The following TGFBI variants were observed in gnomAD, a reference collection of about 807,000 sequenced individuals.
TGFBI encodes the protein transforming growth factor-beta-induced protein ig-h3.
TGFBI carries 50 observed loss-of-function variants against 73.7 expected under a neutral mutation model. The observed-to-expected ratio is 0.68, with a 90% CI of 0.54 to 0.86. The LOEUF is 0.86. Ranked by LOEUF, TGFBI falls within the 40% of genes least tolerant of loss-of-function variation. The pLI, the probability that TGFBI is intolerant of heterozygous loss-of-function variation, is 0.00. For synonymous variants in TGFBI, 362 were observed against 360.5 expected (o/e 1.00, Z -0.05); for missense variants, 839 against 877.0 (o/e 0.96, Z 0.55).
At chr5:136,045,758 C>T (rs1751417281) in intron 3 of TGFBI, 1 of 152,024 alleles carries the variant, frequency 6.6e-6, no homozygotes. Flanking sequence ...CCTCTGAACC[C>T]TAATTTCAGA....
At position 136,046,514 on chromosome 5, in the gene TGFBI, G is replaced by A; in HGVS notation, c.459+19G>A. ...GCCAGCTGTGAGATGACCTCCGTCT[G>A]CCCGGGGGACTCTTATGGGGAACTG... On this transcript the variant is annotated intron_variant, in intron 4 of 16. Transcript: ENST00000442011. 1.9e-6 allele frequency: 3 copies of A among 1,587,870 alleles called. No homozygotes were observed. The highest frequency in any genetic ancestry group is 2.6e-6 in the Non-Finnish European group (3 of 1,164,950).
At chr5:136,062,604 A>G (rs1751767538) in intron 15 of TGFBI, 59 bp from the exon 16 acceptor site, 1 of 1,533,728 alleles carries the variant, frequency 6.5e-7, no homozygotes, top group Non-Finnish European at 8.8e-7. Context: ...AGCCATTGTC[A>G]TAAGCAGTTG....
Position 136,049,529 on chromosome 5 carries a change from A to G in TGFBI, c.862A>G (p.Ile288Val). The G allele has an allele frequency of 6.2e-7, 1 of 1,613,946 alleles. No homozygotes were observed. Reference protein sequence around the residue: ...LAPTNEAFEKIPSETLNRILG... With the variant: ...LAPTNEAFEKVPSETLNRILG... ...CCCGACCAATGAGGCCTTCGAGAAG[A>G]TCCCTAGTGAGACTTTGAACCGTAT... The change falls in exon 7 of 17, where the codon ATC becomes GTC. Residue 288 changes from isoleucine to valine, a missense_variant. Transcript: ENST00000442011.
At chr5:136,046,531 G>A in intron 4 of TGFBI, 36 bp downstream of exon 4, 17 of 1,566,138 alleles carry the variant, frequency 1.1e-5, no homozygotes, top group Non-Finnish European at 1.5e-5. Flanking sequence ...GGACTCTTAT[G>A]GGGAACTGCC....
At chr5:136,061,116 C>G (rs1476048775) in intron 14 of TGFBI, 180 bp downstream of exon 14, 2 of 603,504 alleles carry the variant, frequency 3.3e-6, no homozygotes, top group Middle Eastern at 4.0e-4. Flanking sequence ...ATGCACCACA[C>G]TAAGGAATGT....
At chr5:136,034,002 G>A in intron 2 of TGFBI, 141 bp downstream of exon 2, 1 of 717,066 alleles carries the variant, frequency 1.4e-6, no homozygotes, top group Non-Finnish European at 2.4e-6. Flanking sequence ...GGACCTGCGT[G>A]CTAGGGAGTG....
intron 14 of TGFBI, chr5:136,061,289 C>A: frequency 1.7e-6 from 1 of 598,386 alleles, no homozygotes; most frequent in South Asian, 2.0e-5. Context: ...AGTTGAACCT[C>A]AGTCCTGCCT....
chr5:136,036,362 C>G (rs897870948), intron 2 of TGFBI, among the ~76,000 whole-genome samples: 44 of 152,144 alleles, frequency 2.9e-4, no homozygotes, highest in African/African-American at 1.1e-3. Context: ...TGGGCAACTT[C>G]AAAGAGAGAA....
In TGFBI at chr5:136,052,878, G is replaced by A. The variant is rs3749784; in HGVS notation, c.914-29G>A. ...CTGAGGTTATCGTGGAGTGGACCCTGACTTGACCTGAGTCTGTTTGGACCC... is the reference window on the plus strand; with the variant it reads ...CTGAGGTTATCGTGGAGTGGACCCTAACTTGACCTGAGTCTGTTTGGACCC... On this transcript the variant is annotated intron_variant, in intron 7 of 16. Transcript: ENST00000442011. 1.3e-3 allele frequency: 2,122 copies of A among 1,608,588 alleles called. 17 individuals are homozygous for A. The East Asian group carries it at 0.019, about 15-fold the overall frequency.
At chr5:136,033,702 A>T in intron 1 of TGFBI, 61 bp from the exon 2 acceptor site, 9 of 1,398,908 alleles carry the variant, frequency 6.4e-6, no homozygotes, top group Non-Finnish European at 9.1e-6. Flanking sequence ...ACACGATGGG[A>T]GTCATTAAAG....
intron 1 of TGFBI, among the ~76,000 whole-genome samples, chr5:136,031,303 C>T (rs901177569): frequency 1.3e-5 from 2 of 152,256 alleles, no homozygotes; most frequent in African/African-American, 4.8e-5. Context: ...AAATGGATAA[C>T]GTTGTTCTAG....
At chr5:136,056,432 G>C (rs571643353) in intron 11 of TGFBI, 4 of 505,158 alleles carry the variant, frequency 7.9e-6, no homozygotes, top group Non-Finnish European at 1.4e-5. Context: ...GGCCTCTGAC[G>C]TCTGGCCATT....
chr5:136,060,603 T>G (rs10064478), intron 13 of TGFBI, among the ~76,000 whole-genome samples: 83,341 of 151,980 alleles, frequency 0.55, 23,886 homozygotes, highest in African/African-American at 0.73. Context: ...ACAGCTACTC[T>G]GGAGGCTGAG....
At chr5:136,040,437 C>T (rs545371954) in intron 2 of TGFBI, among the ~76,000 whole-genome samples, 1 of 152,224 alleles carries the variant, frequency 6.6e-6, no homozygotes, top group African/African-American at 2.4e-5. Flanking sequence ...CATAGCAGTC[C>T]GAATACTATT....
At chr5:136,049,622 C>T (rs1329744783) in intron 7 of TGFBI, 42 bp downstream of exon 7, 1 of 1,592,114 alleles carries the variant, frequency 6.3e-7, no homozygotes, top group Non-Finnish European at 8.6e-7. Context: ...ATTTGTGCAG[C>T]TAGATTGAGC....
chr5:136,060,926 G>T lies in TGFBI; in HGVS notation c.1896G>T (p.Leu632=). 6.4e-7 allele frequency: 1 copy of T among 1,573,638 alleles called. No homozygotes were observed. The highest frequency in any genetic ancestry group is 8.7e-7 in the Non-Finnish European group (1 of 1,153,668). Residue 632 remains leucine (L), a synonymous_variant, in exon 14 of 17, where the codon CTG becomes CTT. Coordinates refer to ENST00000442011, the MANE Select transcript of TGFBI (RefSeq NM_000358.3). ...TGGTCCATGTCATCACCAATGTTCT[G>T]CAGCCTCCAGGTAAGTGTCGCATCC... ...NGVVHVITNV[L]QPPANRPQER...
intron 7 of TGFBI, 38 bp from the exon 8 acceptor site, chr5:136,052,869 G>T (rs931898532): frequency 1.3e-6 from 2 of 1,599,824 alleles, no homozygotes; most frequent in African/African-American, 2.7e-5. Flanking sequence ...TTATCGTGGA[G>T]TGGACCCTGA....
Position 136,063,305 on chromosome 5 carries a change from G to A in TGFBI, c.*79G>A. ...AGATTTCCACAGAGACTGTTTGAAT[G>A]TTTTCAAAACCAAGTATCACACTTT... On this transcript the variant is annotated 3_prime_UTR_variant, in exon 17 of 17. Transcript: ENST00000442011. 7.4e-7 allele frequency: 1 copy of A among 1,360,252 alleles called. No homozygotes were observed. The highest frequency in any genetic ancestry group is 1.0e-6 in the Non-Finnish European group (1 of 960,110). 84.3% of individuals were successfully genotyped at this position (1,360,252 alleles called of 1,614,324 possible). A position where few individuals can be genotyped will look rare whatever the true frequency, so the allele number is the denominator to read the frequency against.
Position 136,029,203 on chromosome 5 carries a change from C to A in TGFBI, c.134+14C>A, listed in dbSNP as rs529657143. On this transcript the variant is annotated intron_variant, in intron 1 of 16. Transcript: ENST00000442011. ...CCGCCAGCACGGGTAAGCCGAGCCG[C>A]CTGGCCAGGGGCTGCGGAAGGTCAG... 4.6e-3 allele frequency: 6,725 copies of A among 1,472,572 alleles called. 19 individuals carry two copies. The highest frequency in any genetic ancestry group is 5.6e-3 in the Non-Finnish European group (6,241 of 1,116,906). The allele number at this position is 1,472,572 out of a possible 1,614,324, so 91.2% of individuals were successfully genotyped here. A position where few individuals can be genotyped will look rare whatever the true frequency, so the allele number is the denominator to read the frequency against.
Sources: gnomAD v4.1 joint callset for allele counts (sites outside exome capture counted in the v4.1 genomes callset) on GRCh38, gnomAD v4.1.1 for gene constraint, MANE v1.5 for transcripts, NCBI Gene and HGNC (gene_info 2026-07-23, HGNC 2026-07-21) for gene names.